The following DRC4 variants were observed in gnomAD, a reference collection of about 807,000 sequenced individuals.
The protein encoded by DRC4 is dynein regulatory complex subunit 4.
At chr16:90,036,317 G>A in the DRC4 span, 645 of 1,423,388 alleles carry the variant, frequency 4.5e-4, 3 homozygotes, top group Non-Finnish European at 5.3e-4. Context: ...CAGGCTCCAT[G>A]TTCTGTAGCC....
At chr16:90,031,850 G>C in the DRC4 span, among the ~76,000 whole-genome samples, 1 of 152,300 alleles carries the variant, frequency 6.6e-6, no homozygotes, top group East Asian at 1.9e-4. Flanking sequence ...GTGTAGCTGT[G>C]TAAAGGTGAG....
chr16:90,031,521 C>T, the DRC4 span: 1 of 1,539,572 alleles, frequency 6.5e-7, no homozygotes, highest in Non-Finnish European at 8.8e-7. Context: ...CCTGCACGTG[C>T]TAACCTGGTC....
At chr16:90,032,306 A>G in the DRC4 span, among the ~76,000 whole-genome samples, 6 of 143,970 alleles carry the variant, frequency 4.2e-5, no homozygotes, top group African/African-American at 1.0e-4. Context: ...GAGGTGTGGT[A>G]CAGGTGTGGT....
chr16:90,035,553 T>C, the DRC4 span: 4 of 1,595,896 alleles, frequency 2.5e-6, no homozygotes, highest in Admixed American at 1.7e-5. Context: ...ACCAAAACCA[T>C]GAGGAACAGG....
the DRC4 span, among the ~76,000 whole-genome samples, chr16:90,032,455 TGAG>T: frequency 2.9e-5 from 4 of 139,114 alleles, no homozygotes; most frequent in Non-Finnish European, 6.2e-5. Flanking sequence ...TATGGACAGG[TGAG>T]GAGGTGTGGT....
chr16:90,024,182 G>A, the DRC4 span, among the ~76,000 whole-genome samples: 9 of 149,968 alleles, frequency 6.0e-5, no homozygotes, highest in Admixed American at 2.7e-4. Flanking sequence ...GTGGTGGTAC[G>A]CACCTATAGT....
At chr16:90,028,902 T>G in the DRC4 span, 4 of 1,274,080 alleles carry the variant, frequency 3.1e-6, no homozygotes, top group Non-Finnish European at 4.1e-6. Flanking sequence ...GCAGAGGTCC[T>G]TGAACAATGG....
chr16:90,031,470 G>A, the DRC4 span: 18 of 1,578,342 alleles, frequency 1.1e-5, no homozygotes, highest in Non-Finnish European at 1.5e-5. Flanking sequence ...GGAAGAAGCC[G>A]AGGAGAGGCA....
At chr16:90,030,979 A>G in the DRC4 span, among the ~76,000 whole-genome samples, 2 of 152,084 alleles carry the variant, frequency 1.3e-5, no homozygotes, top group African/African-American at 2.4e-5. Context: ...TGTTGTAATA[A>G]TGGTGTGGGT....
the DRC4 span, chr16:90,043,170 T>A: frequency 1.3e-6 from 2 of 1,591,728 alleles, no homozygotes; most frequent in Non-Finnish European, 1.7e-6. Flanking sequence ...GACCCTCAGC[T>A]CCCTGACACT....
chr16:90,035,287 C>CTGGG, the DRC4 span, among the ~76,000 whole-genome samples: 1 of 152,208 alleles, frequency 6.6e-6, no homozygotes, highest in African/African-American at 2.4e-5. Flanking sequence ...CCTGCCTTGG[C>CTGGG]CTCCAGCGTG....
chr16:90,033,889 A>AC, the DRC4 span, among the ~76,000 whole-genome samples: 5 of 151,464 alleles, frequency 3.3e-5, no homozygotes, highest in East Asian at 9.9e-4. Flanking sequence ...CAAGCAGTTG[A>AC]CCGGCTGGGA....
chr16:90,039,552 A>G, the DRC4 span, among the ~76,000 whole-genome samples: 5 of 151,756 alleles, frequency 3.3e-5, no homozygotes, highest in Non-Finnish European at 7.4e-5. Flanking sequence ...CGCCCGGCTA[A>G]TGTTTGGTAT....
the DRC4 span, chr16:90,042,526 G>A: frequency 6.2e-7 from 1 of 1,613,612 alleles, no homozygotes; most frequent in Non-Finnish European, 8.5e-7. Context: ...AGCTGGCCCA[G>A]GTCTGTAAGG....
At chr16:90,040,708 C>T in the DRC4 span, among the ~76,000 whole-genome samples, 1 of 68,818 alleles carries the variant, frequency 1.5e-5, no homozygotes, top group East Asian at 2.8e-4. Flanking sequence ...AGATCAGGGC[C>T]CACTCTGCTA....
At chr16:90,035,753 A>G in the DRC4 span, 2 of 1,613,940 alleles carry the variant, frequency 1.2e-6, no homozygotes, top group Non-Finnish European at 8.5e-7. Context: ...AGAGGAATTT[A>G]CCTCCAGAGC....
the DRC4 span, chr16:90,027,749 C>T: frequency 6.2e-7 from 1 of 1,610,042 alleles, no homozygotes. Flanking sequence ...GTGGCCCAGT[C>T]CCCGGGTGGG....
the DRC4 span, among the ~76,000 whole-genome samples, chr16:90,032,155 G>C: frequency 2.3e-5 from 3 of 130,576 alleles, no homozygotes; most frequent in African/African-American, 4.3e-5. Flanking sequence ...TACAGGTGTG[G>C]TGCAGGTGAG....
At chr16:90,042,671 T>C in the DRC4 span, 1 of 706,628 alleles carries the variant, frequency 1.4e-6, no homozygotes, top group South Asian at 1.6e-5. Context: ...TGTCCCCACG[T>C]GAGGGTGCAG....
Sources: gnomAD v4.1 joint callset for allele counts (sites outside exome capture counted in the v4.1 genomes callset) on GRCh38, gnomAD v4.1.1 for gene constraint, MANE v1.5 for transcripts, NCBI Gene and HGNC (gene_info 2026-07-23, HGNC 2026-07-21) for gene names.